The following GPN1 variants were observed in gnomAD, a reference collection of about 807,000 sequenced individuals.
GPN1 encodes GPN-loop GTPase 1, also known as ATP(GTP)-binding protein.
In GPN1, 44 loss-of-function variants were observed where a neutral mutation model predicts 55.9. The ratio of observed to expected loss-of-function variants is 0.79; its 90% confidence interval spans 0.62 to 1.01. The LOEUF (loss-of-function observed/expected upper bound fraction) is 1.01. Ranked by LOEUF, GPN1 falls within the 50% of genes least tolerant of loss-of-function variation. GPN1 has a pLI of 0.00. For synonymous variants in GPN1, 179 were observed against 162.5 expected (o/e 1.10, Z -0.77); for missense variants, 466 against 462.8 (o/e 1.01, Z -0.06).
Position 27,650,241 on chromosome 2 carries a change from T to G in GPN1, c.*41T>G. On this transcript the variant is annotated 3_prime_UTR_variant, in exon 14 of 14. Transcript: ENST00000610189. ...TTCACTTGTTTCTAGAAGTCCAGAA[T>G]TTTGGACCTCCACGTGAAAGAACTG... The G allele has an allele frequency of 2.5e-6, 3 of 1,181,056 alleles. No homozygotes were observed. Among genetic ancestry groups the G allele is most frequent in the Non-Finnish European group, 3.8e-6 (3 of 790,440 alleles). The allele number at this position is 1,181,056 out of a possible 1,614,324, so 73.2% of individuals were successfully genotyped here. A position where few individuals can be genotyped will look rare whatever the true frequency, so the allele number is the denominator to read the frequency against.
upstream of GPN1, chr2:27,629,005 G>C: frequency 1.2e-6 from 2 of 1,610,296 alleles, no homozygotes; most frequent in Non-Finnish European, 1.7e-6. Flanking sequence ...CATTGCGGAA[G>C]TTTCTCTACC....
chr2:27,629,988 T>A (rs1398637916), intron 2 of GPN1, 36 bp downstream of exon 2: 2 of 1,183,224 alleles, frequency 1.7e-6, no homozygotes, highest in East Asian at 2.3e-5. Context: ...TGTGCAGTGC[T>A]TTAAAGAGAA....
intron 12 of GPN1, among the ~76,000 whole-genome samples, 156 bp downstream of exon 12, chr2:27,642,675 T>C (rs964254408): frequency 6.6e-6 from 1 of 152,168 alleles, no homozygotes; most frequent in Non-Finnish European, 1.5e-5. Flanking sequence ...GCAGTTCTCC[T>C]GCCTCAGCCT....
At chr2:27,646,058 T>A (rs1234980689) in intron 12 of GPN1, among the ~76,000 whole-genome samples, 1 of 152,070 alleles carries the variant, frequency 6.6e-6, no homozygotes, top group Non-Finnish European at 1.5e-5. Context: ...GTATTTATTT[T>A]TGAGGCAGAG....
chr2:27,631,867 C>A lies in GPN1; in HGVS notation c.279C>A (p.Thr93=). The change falls in exon 4 of 14, where the codon ACC becomes ACA. Residue 93 remains threonine (T), a synonymous_variant. Coordinates refer to ENST00000610189, the MANE Select transcript of GPN1 (RefSeq NM_007266.4). ...TTGGACCCAATGGCGGCATAGTGACCTCACTCAATCTCTTTGCTACCAGAT... is the reference window on the plus strand; with the variant it reads ...TTGGACCCAATGGCGGCATAGTGACATCACTCAATCTCTTTGCTACCAGAT... ...YGLGPNGGIV[T]SLNLFATRFD... 1 of 1,600,910 alleles carries A rather than the reference C, an allele frequency of 6.2e-7. No homozygotes were observed. The highest frequency in any genetic ancestry group is 8.6e-7 in the Non-Finnish European group (1 of 1,168,038).
upstream of GPN1, chr2:27,628,248 CTGTT>C: frequency 3.8e-6 from 3 of 791,974 alleles, no homozygotes; most frequent in Non-Finnish European, 5.9e-6. Context: ...TTACTGAACA[CTGTT>C]TGCAGCTACA....
chr2:27,636,684 A>G (rs188253571), intron 7 of GPN1, among the ~76,000 whole-genome samples: 1,766 of 152,162 alleles, frequency 0.012, 34 homozygotes, highest in African/African-American at 0.04. Context: ...CTTGTTGGCC[A>G]GGCTGGTCTC....
In GPN1 at chr2:27,629,882, C is replaced by A; in HGVS notation, c.135C>A (p.Ala45=). Residue 45 remains alanine, a synonymous_variant, in exon 2 of 14, where the codon GCC becomes GCA. Transcript: ENST00000610189. ...FVQRLTGHLH[A]QGTPPYVINL... ...AGAGGCTCACAGGACACCTGCATGCCCAAGGCACTCCACCGTATGTGATCA... is the reference window on the plus strand; with the variant it reads ...AGAGGCTCACAGGACACCTGCATGCACAAGGCACTCCACCGTATGTGATCA... 6.2e-7 allele frequency: 1 copy of A among 1,608,234 alleles called. No individual in the cohort carries two copies. The highest frequency in any genetic ancestry group is 8.5e-7 in the Non-Finnish European group (1 of 1,174,590).
At position 27,631,033 on chromosome 2, in the gene GPN1, G is replaced by A. The variant is rs775567920; in HGVS notation, c.212G>A (p.Arg71His). 7 of 1,351,170 alleles carry A rather than the reference G, an allele frequency of 5.2e-6. No individual in the cohort carries two copies. The East Asian group carries it at 1.4e-4, about 27-fold the overall frequency. The allele number at this position is 1,351,170 out of a possible 1,614,324, so 83.7% of individuals were successfully genotyped here. Residue 71 changes from arginine (R) to histidine (H), a missense_variant, in exon 3 of 14, where the codon CGT becomes CAT. Physicochemically the swap from Arg to His is conservative, Grantham distance 29 (BLOSUM62 0). Coordinates refer to ENST00000610189, the MANE Select transcript of GPN1 (RefSeq NM_007266.4). ...TTCTTTTTTTTCTCCTCAGATATTC[G>A]TGATACTGTAAAGTATAAAGAAGTA... is the stretch of plus-strand genomic sequence containing the variant. ...EVPFPANIDI[R>H]DTVKYKEVMK...
At chr2:27,642,976 C>T (rs1249125267) in intron 12 of GPN1, among the ~76,000 whole-genome samples, 1 of 151,048 alleles carries the variant, frequency 6.6e-6, no homozygotes, top group Non-Finnish European at 1.5e-5. Flanking sequence ...CACACACACA[C>T]ACACACACAC....
chr2:27,646,191 GC>G (rs1674220020), intron 12 of GPN1, among the ~76,000 whole-genome samples: 2 of 152,114 alleles, frequency 1.3e-5, no homozygotes. Context: ...ACAGGCACAT[GC>G]CACCACGCCC....
chr2:27,647,026 T>C (rs1674266833), intron 12 of GPN1, among the ~76,000 whole-genome samples: 1 of 152,124 alleles, frequency 6.6e-6, no homozygotes, highest in South Asian at 2.1e-4. Flanking sequence ...AAGTAAATCA[T>C]TTGAGGAAAG....
rs191330759 is a variant in GPN1, at chr2:27,648,718, C to A, written c.1039+775C>A. 2.7e-4 allele frequency among the ~76,000 whole-genome samples: 41 copies of A among 152,288 alleles called. No individual in the cohort carries two copies. The South Asian group carries it at 5.0e-3, about 18-fold the overall frequency. On this transcript the variant is annotated intron_variant, in intron 13 of 13. Coordinates refer to ENST00000610189, the MANE Select transcript of GPN1 (RefSeq NM_007266.4). The stretch of plus-strand genomic sequence containing the variant: ...TGGCACGATCTCAGCTGACTGCAAC[C>A]GCTGCCTCCCGGGTTCAAGTGATTC...
intron 5 of GPN1, among the ~76,000 whole-genome samples, chr2:27,634,565 C>G (rs973421586): frequency 6.6e-6 from 1 of 152,206 alleles, no homozygotes; most frequent in Admixed American, 6.5e-5. Flanking sequence ...GGTTTTGTGT[C>G]TTTCATTTTA....
intron 2 of GPN1, among the ~76,000 whole-genome samples, chr2:27,630,545 T>G (rs1405206748): frequency 1.3e-5 from 2 of 151,896 alleles, no homozygotes; most frequent in East Asian, 3.9e-4. Context: ...TTGTTTTGTT[T>G]GGAGAGACAA....
chr2:27,640,485 G>A (rs1024696128), intron 10 of GPN1, among the ~76,000 whole-genome samples: 2 of 152,170 alleles, frequency 1.3e-5, no homozygotes, highest in South Asian at 4.1e-4. Flanking sequence ...TAAATTAATG[G>A]GCGTGGCTAG....
chr2:27,635,278 G>T (rs187152743), intron 7 of GPN1, 44 bp downstream of exon 7: 2 of 838,864 alleles, frequency 2.4e-6, no homozygotes, highest in East Asian at 2.8e-5. Context: ...AAGGTATAAG[G>T]CCTTTTTCTC....
rs1401319260 is a variant in GPN1, at chr2:27,650,141, G to C, written c.1066G>C (p.Ala356Pro). 6.2e-7 allele frequency: 1 copy of C among 1,606,714 alleles called. No homozygotes were observed. The highest frequency in any genetic ancestry group is 8.5e-7 in the Non-Finnish European group (1 of 1,173,342). ...TACAGAGGAAAGCCATGAAGAGCCAGCATTCCAGAATTTTATGCAAGAATC... is the reference window on the plus strand; with the variant it reads ...TACAGAGGAAAGCCATGAAGAGCCACCATTCCAGAATTTTATGCAAGAATC... ...RVTEESHEEP[A>P]FQNFMQESMA... The change falls in exon 14 of 14, where the codon GCA (alanine) becomes CCA (proline). Residue 356 changes from alanine to proline, a missense_variant. Transcript: ENST00000610189.
Position 27,635,170 on chromosome 2 carries a change from G to A in GPN1, c.460G>A (p.Val154Ile), listed in dbSNP as rs963292944. 4 of 1,604,092 alleles carry A rather than the reference G, an allele frequency of 2.5e-6. No individual in the cohort carries two copies. The highest frequency in any genetic ancestry group is 3.4e-6 in the Non-Finnish European group (4 of 1,171,628). Residue 154 changes from valine (V) to isoleucine (I), a missense_variant, in exon 7 of 14, where the codon GTA (valine) becomes ATA (isoleucine). By Grantham distance (29) the Val-to-Ile change is conservative. Transcript: ENST00000610189. Reference protein sequence around the residue: ...ASSFPTVVIYVMDTSRSTNPV... With the variant: ...ASSFPTVVIYIMDTSRSTNPV... ...CTCATTTCCAACAGTTGTCATCTATGTAATGGACACATCGAGAAGTACCAA... is the reference window on the plus strand; with the variant it reads ...CTCATTTCCAACAGTTGTCATCTATATAATGGACACATCGAGAAGTACCAA...
Sources: gnomAD v4.1 joint callset for allele counts (sites outside exome capture counted in the v4.1 genomes callset) on GRCh38, gnomAD v4.1.1 for gene constraint, MANE v1.5 for transcripts, NCBI Gene and HGNC (gene_info 2026-07-23, HGNC 2026-07-21) for gene names.